Variants in NUP153 observed in about 807,000 individuals in gnomAD.
The protein encoded by NUP153 is nucleoporin 153.
A neutral mutation model predicts 134.6 loss-of-function variants in NUP153; 27 were observed. That is an observed-to-expected ratio of 0.20 (90% confidence interval 0.15 to 0.28). The LOEUF is 0.28. Ranked by LOEUF, NUP153 falls within the 10% of genes least tolerant of loss-of-function variation. The pLI is 1.00. For synonymous variants in NUP153, 640 were observed against 623.5 expected (o/e 1.03, Z -0.40); for missense variants, 1,821 against 1,731.3 (o/e 1.05, Z -0.92).
intron 1 of NUP153, among the ~76,000 whole-genome samples, chr6:17,690,469 C>G (rs1769210758): frequency 6.6e-6 from 1 of 152,012 alleles, no homozygotes; most frequent in African/African-American, 2.4e-5. Flanking sequence ...GGTAAAATAA[C>G]ACTGCCTCCT....
chr6:17,635,035 T>A (rs1485004372), intron 16 of NUP153, among the ~76,000 whole-genome samples: 6 of 150,880 alleles, frequency 4.0e-5, no homozygotes, highest in Non-Finnish European at 8.8e-5. Context: ...AATTCACAAA[T>A]CTGTGTTGAG....
intron 1 of NUP153, among the ~76,000 whole-genome samples, chr6:17,690,891 G>A (rs1769231997): frequency 6.6e-6 from 1 of 152,142 alleles, no homozygotes; most frequent in Non-Finnish European, 1.5e-5. Flanking sequence ...TGTAATCCCA[G>A]CACTTTGGGA....
At chr6:17,620,836 C>T (rs1764611471) in intron 20 of NUP153, among the ~76,000 whole-genome samples, 1 of 151,906 alleles carries the variant, frequency 6.6e-6, no homozygotes, top group African/African-American at 2.4e-5. Context: ...ACATCAAAAG[C>T]ACAGGCAACA....
chr6:17,700,685 T>C (rs1769996542), intron 1 of NUP153, among the ~76,000 whole-genome samples: 3 of 152,020 alleles, frequency 2.0e-5, no homozygotes, highest in Admixed American at 2.0e-4. Context: ...CCAAAACAAA[T>C]AAAAACAATA....
rs181639931 is a variant in NUP153, at chr6:17,667,827, T to C, written c.1068+1148A>G. Among the ~76,000 whole-genome samples, 59 of 152,278 alleles carry C rather than the reference T, an allele frequency of 3.9e-4. No individual in the cohort carries two copies. In the East Asian group the frequency reaches 4.4e-3, roughly 11 times the overall value. The stretch of plus-strand genomic sequence containing the variant: ...CCTCTTTAACCCAAACTATCAAACA[T>C]TGTATTTTTTTCCCACAGTAACCGC... On this transcript the variant is annotated intron_variant, in intron 8 of 21. Transcript: ENST00000262077.
At chr6:17,703,083 A>G (rs1484558292) in intron 1 of NUP153, among the ~76,000 whole-genome samples, 2 of 151,614 alleles carry the variant, frequency 1.3e-5, no homozygotes, top group African/African-American at 4.9e-5. Flanking sequence ...CTGTAATCCC[A>G]ACTACTTGGG....
chr6:17,666,887 A>ATGGT (rs1296243083), intron 8 of NUP153, among the ~76,000 whole-genome samples: 24 of 152,220 alleles, frequency 1.6e-4, no homozygotes, highest in Non-Finnish European at 2.9e-4. Context: ...AAGCCTCTGT[A>ATGGT]TGGTTACTAA....
intron 8 of NUP153, among the ~76,000 whole-genome samples, chr6:17,665,703 T>C (rs987390926): frequency 2.0e-5 from 3 of 151,746 alleles, no homozygotes; most frequent in African/African-American, 7.3e-5. Context: ...GCACTACAGA[T>C]CAAACCTTTT....
chr6:17,656,095 C>T (rs566700089), intron 11 of NUP153, among the ~76,000 whole-genome samples: 1 of 151,240 alleles, frequency 6.6e-6, no homozygotes, highest in South Asian at 2.1e-4. Context: ...ATCCCAGCTA[C>T]TCAGGAGGCT....
chr6:17,658,641 A>G (rs923128160), intron 11 of NUP153, among the ~76,000 whole-genome samples: 3 of 152,190 alleles, frequency 2.0e-5, no homozygotes, highest in Non-Finnish European at 2.9e-5. Flanking sequence ...ATGGTCATTC[A>G]CCATTTGAAG....
intron 1 of NUP153, among the ~76,000 whole-genome samples, chr6:17,688,980 AAAC>A (rs1769116849): frequency 6.6e-6 from 1 of 152,192 alleles, no homozygotes; most frequent in African/African-American, 2.4e-5. Context: ...GTTAAAACAT[AAAC>A]AATACTTTCA....
At chr6:17,670,640 ATT>A (rs1176875165) in intron 5 of NUP153, among the ~76,000 whole-genome samples, 1 of 152,108 alleles carries the variant, frequency 6.6e-6, no homozygotes, top group Non-Finnish European at 1.5e-5. Flanking sequence ...TTGCCAGATG[ATT>A]TTTTTGTAAA....
chr6:17,624,898 T>C (rs1764851347), intron 19 of NUP153, 65 bp from the exon 20 acceptor site: 1 of 1,433,578 alleles, frequency 7.0e-7, no homozygotes, highest in African/African-American at 1.4e-5. Flanking sequence ...TCAAGAAATT[T>C]CTGTAAACCC....
chr6:17,640,077 T>C lies in NUP153; in HGVS notation c.1721-13A>G. The C allele has an allele frequency of 1.3e-6, 2 of 1,532,528 alleles. No homozygotes were observed. Among genetic ancestry groups the C allele is most frequent in the South Asian group, 1.3e-5 (1 of 78,480 alleles). 94.9% of individuals were successfully genotyped at this position (1,532,528 alleles called of 1,614,324 possible). A position where few individuals can be genotyped will look rare whatever the true frequency, so the allele number is the denominator to read the frequency against. The stretch of plus-strand genomic sequence containing the variant: ...GTGACATGATGAGCTGTAATTTTTT[T>C]AAATTTAATAACATTATGCCAAATA... On this transcript the variant is annotated splice_polypyrimidine_tract_variant and intron_variant, in intron 14 of 21. Transcript: ENST00000262077.
chr6:17,639,777 A>G (rs1254450330), intron 15 of NUP153, among the ~76,000 whole-genome samples, 162 bp downstream of exon 15: 3 of 152,232 alleles, frequency 2.0e-5, no homozygotes, highest in South Asian at 2.1e-4. Flanking sequence ...GGCTTGTAAG[A>G]TATTTCCAGC....
Position 17,669,436 on chromosome 6 carries a change from A to G in NUP153, c.963T>C (p.Pro321=). The change falls in exon 6 of 22, where the codon CCT becomes CCC. Residue 321 remains proline (P), a synonymous_variant. Transcript: ENST00000262077. ...ILQSLEKMSS[P]LADAKRIPSI... ...CGTGATTTTAAAAATTTACCGCTAA[A>G]GGGCTTGACATCTTCTCTAAAGACT... 3.1e-6 allele frequency: 5 copies of G among 1,612,650 alleles called. No homozygotes were observed. The highest frequency in any genetic ancestry group is 4.2e-6 in the Non-Finnish European group (5 of 1,178,654).
At chr6:17,636,320 G>T in intron 16 of NUP153, among the ~76,000 whole-genome samples, 1 of 147,210 alleles carries the variant, frequency 6.8e-6, no homozygotes, top group African/African-American at 2.5e-5. Flanking sequence ...GGGTGACACA[G>T]TGAGACTCTG....
Position 17,706,840 on chromosome 6 carries a change from C to CCGT in NUP153, c.-456_-454dup, listed in dbSNP as rs893041007. The CCGT allele has an allele frequency of 1.2e-4, 20 of 171,988 alleles. No homozygotes were observed. The highest frequency in any genetic ancestry group is 3.7e-4 in the East Asian group (2 of 5,382). 10.7% of individuals were successfully genotyped at this position (171,988 alleles called of 1,614,324 possible). ...TGTGCGCACAGCGCCCGCCCCGCCG[C>CCGT]CGTCGTCGTCGTCGTCCCTGCAGCC... On this transcript the variant is annotated 5_prime_UTR_variant, in exon 1 of 22. Coordinates refer to ENST00000262077, the MANE Select transcript of NUP153 (RefSeq NM_005124.4). The surrounding 1 kb of genome is among the most constrained non-coding windows in gnomAD (Gnocchi z 5.9).
intron 21 of NUP153, 150 bp from the exon 22 acceptor site, chr6:17,616,331 A>C: frequency 1.4e-6 from 1 of 724,284 alleles, no homozygotes; most frequent in South Asian, 1.9e-5. Flanking sequence ...GCTACACCTA[A>C]CACACACGCT....
Sources: allele counts gnomAD v4.1 joint callset (sites outside exome capture counted in the v4.1 genomes callset), GRCh38; gene constraint gnomAD v4.1.1; non-coding constraint Gnocchi (gnomAD v3.1); transcripts MANE v1.5; gene names NCBI Gene and HGNC (gene_info 2026-07-23, HGNC 2026-07-21).